Variants in PRKG2 observed in about 807,000 individuals in gnomAD.
PRKG2 encodes the protein protein kinase cGMP-dependent 2.
A neutral mutation model predicts 97.2 loss-of-function variants in PRKG2; 33 were observed. That is an observed-to-expected ratio of 0.34 (90% CI 0.26 to 0.45). The LOEUF is 0.45. Ranked by LOEUF, PRKG2 falls within the 20% of genes least tolerant of loss-of-function variation. The probability of loss-of-function intolerance (pLI) is 1.00; values close to 1 mark genes in which losing one functional copy is unlikely to be tolerated. For missense variants in PRKG2, 638 were observed against 900.0 expected, an observed-to-expected ratio of 0.71 and a Z score of 3.73; for synonymous variants, 330 against 321.8, an observed-to-expected ratio of 1.03 and a Z score of -0.27.
rs866921821 is a variant in PRKG2, at chr4:81,158,308, T to C, written c.913-4587A>G. 1.6e-4 allele frequency among the ~76,000 whole-genome samples: 24 copies of C among 151,018 alleles called. No homozygotes were observed. In the South Asian group the frequency reaches 1.9e-3, roughly 12 times the overall value. On this transcript the variant is annotated intron_variant, in intron 6 of 18. Coordinates refer to ENST00000264399, the MANE Select transcript of PRKG2 (RefSeq NM_006259.3). ...ACAACAGACAAACAGAGAGCCAAAT[T>C]ATGAGTGAACTCCCATTCACAATTG...
chr4:81,207,609 T>C (rs949039884), intron 1 of PRKG2, among the ~76,000 whole-genome samples: 9 of 152,176 alleles, frequency 5.9e-5, no homozygotes, highest in Non-Finnish European at 1.3e-4. Flanking sequence ...TCCAATAATT[T>C]TACAAACTTG....
intron 2 of PRKG2, among the ~76,000 whole-genome samples, chr4:81,187,297 C>T (rs932420795): frequency 3.9e-5 from 6 of 152,200 alleles, no homozygotes; most frequent in African/African-American, 1.4e-4. Flanking sequence ...CGGCTTCATC[C>T]TTGGGATGCA....
chr4:81,205,250 G>A (rs1204651594), intron 1 of PRKG2, among the ~76,000 whole-genome samples, 190 bp from the exon 2 acceptor site: 1 of 149,740 alleles, frequency 6.7e-6, no homozygotes, highest in Non-Finnish European at 1.5e-5. Flanking sequence ...TTCCCTCCAT[G>A]AAGAGGAGTT....
chr4:81,212,490 G>A (rs1357290929), intron 1 of PRKG2, among the ~76,000 whole-genome samples: 1 of 152,170 alleles, frequency 6.6e-6, no homozygotes, highest in Non-Finnish European at 1.5e-5. Flanking sequence ...ATGAGGATTT[G>A]AAAGTTTATA....
chr4:81,135,407 CAGGGTATCAACA>C, intron 13 of PRKG2, 111 bp from the exon 14 acceptor site: 2 of 1,153,384 alleles, frequency 1.7e-6, no homozygotes, highest in Non-Finnish European at 2.4e-6. Flanking sequence ...AAATATTTTG[CAGGGTATCAACA>C]ATAAAATGTA....
Position 81,105,861 on chromosome 4 carries a change from G to A in PRKG2, c.2015C>T (p.Pro672Leu). 1 of 1,613,708 alleles carries A rather than the reference G, an allele frequency of 6.2e-7. No homozygotes were observed. Among genetic ancestry groups the A allele is most frequent in the South Asian group, 1.1e-5 (1 of 91,066 alleles). Residue 672 changes from proline to leucine, a missense_variant, in exon 16 of 19, where the codon CCC (proline) becomes CTC (leucine). Physicochemically the swap from Pro to Leu is moderately conservative, Grantham distance 98. Coordinates refer to ENST00000264399, the MANE Select transcript of PRKG2 (RefSeq NM_006259.3). Reference protein sequence around the residue: ...ILKGIEKMDFPRKITRRPEDL... With the variant: ...ILKGIEKMDFLRKITRRPEDL... ...CTCAGGTCGTCGTGTTATCTTCCTG[G>A]GAAAATCCATTTTTTCAATTCCTTT...
intron 17 of PRKG2, among the ~76,000 whole-genome samples, chr4:81,098,535 C>T (rs1185031105): frequency 6.6e-6 from 1 of 152,096 alleles, no homozygotes; most frequent in Non-Finnish European, 1.5e-5. Context: ...TAATTTCTAG[C>T]TTTTTATTTA....
At chr4:81,166,909 G>A (rs1016289499) in intron 6 of PRKG2, among the ~76,000 whole-genome samples, 2 of 152,008 alleles carry the variant, frequency 1.3e-5, no homozygotes, top group African/African-American at 4.8e-5. Context: ...ATACTAAAAA[G>A]ATTAAAATAT....
intron 1 of PRKG2, among the ~76,000 whole-genome samples, chr4:81,211,683 A>AGCTT (rs1753980046): frequency 6.6e-6 from 1 of 152,204 alleles, no homozygotes; most frequent in Non-Finnish European, 1.5e-5. Flanking sequence ...TTTAAGGATT[A>AGCTT]AAGCTCAGAG....
intron 14 of PRKG2, among the ~76,000 whole-genome samples, chr4:81,124,516 G>A (rs1388920548): frequency 6.6e-6 from 1 of 152,174 alleles, no homozygotes; most frequent in Non-Finnish European, 1.5e-5. Context: ...AAGCTTTGTA[G>A]CTTTTTCATT....
At chr4:81,108,520 G>C (rs762977712) in intron 15 of PRKG2, among the ~76,000 whole-genome samples, 2 of 148,472 alleles carry the variant, frequency 1.3e-5, no homozygotes, top group Non-Finnish European at 3.0e-5. Context: ...CTATGCTCTG[G>C]AGTTCAGGGC....
At chr4:81,093,360 AACACACACACACAC>A (rs60004845) in intron 17 of PRKG2, among the ~76,000 whole-genome samples, 25 of 116,380 alleles carry the variant, frequency 2.1e-4, no homozygotes, top group Middle Eastern at 4.5e-3. Context: ...CTCCCCCACC[AACACACACACACAC>A]ACACACACAC....
intron 1 of PRKG2, among the ~76,000 whole-genome samples, chr4:81,206,386 G>A (rs1200858160): frequency 4.6e-5 from 7 of 152,138 alleles, no homozygotes; most frequent in Admixed American, 1.3e-4. Flanking sequence ...TGCTGTTCTC[G>A]TGATAGTGAA....
chr4:81,140,347 A>AAAT (rs1347009648), intron 12 of PRKG2, among the ~76,000 whole-genome samples, 186 bp downstream of exon 12: 15 of 152,224 alleles, frequency 9.9e-5, no homozygotes, highest in African/African-American at 3.4e-4. Context: ...AAGGGGATGG[A>AAAT]TACCCCATTT....
intron 17 of PRKG2, among the ~76,000 whole-genome samples, chr4:81,099,788 T>C (rs1441355750): frequency 6.6e-6 from 1 of 152,188 alleles, no homozygotes; most frequent in East Asian, 1.9e-4. Flanking sequence ...TGTTTGCAGA[T>C]GACATGATTG....
intron 2 of PRKG2, among the ~76,000 whole-genome samples, chr4:81,202,778 T>G (rs1753397864): frequency 6.6e-6 from 1 of 151,972 alleles, no homozygotes; most frequent in African/African-American, 2.4e-5. Flanking sequence ...TATCCTTAAA[T>G]AAAAGCAAGG....
intron 14 of PRKG2, among the ~76,000 whole-genome samples, chr4:81,128,243 T>C (rs780849408): frequency 8.5e-5 from 13 of 152,354 alleles, no homozygotes; most frequent in Non-Finnish European, 1.2e-4. Flanking sequence ...CAGTACCTTA[T>C]TGAAGATTTT....
intron 10 of PRKG2, among the ~76,000 whole-genome samples, chr4:81,143,323 G>A (rs931497564): frequency 2.6e-5 from 4 of 151,958 alleles, no homozygotes; most frequent in Non-Finnish European, 4.4e-5. Context: ...ACCATGAAAA[G>A]CAGTCAATGA....
In PRKG2 at chr4:81,169,955, T is replaced by A. The variant is rs564300499; in HGVS notation, c.743-187A>T. ...AGCAATTTTATAAATCATTTTGGCT[T>A]TGAAATACACTATTATTTGGAAATG... On this transcript the variant is annotated intron_variant, in intron 4 of 18. Coordinates refer to ENST00000264399, the MANE Select transcript of PRKG2 (RefSeq NM_006259.3). Among the ~76,000 whole-genome samples the A allele has an allele frequency of 1.2e-4, 18 of 152,206 alleles. No individual in the cohort carries two copies. In the East Asian group the frequency reaches 3.5e-3, roughly 29 times the overall value.
Sources: allele counts gnomAD v4.1 joint callset (sites outside exome capture counted in the v4.1 genomes callset), GRCh38; gene constraint gnomAD v4.1.1; transcripts MANE v1.5; gene names NCBI Gene and HGNC (gene_info 2026-07-23, HGNC 2026-07-21).